Variants in SLC30A8 observed in about 807,000 individuals in gnomAD.
The protein encoded by SLC30A8 is solute carrier family 30 member 8.
A neutral mutation model predicts 36.9 loss-of-function variants in SLC30A8; 27 were observed. The observed-to-expected ratio is 0.73, with a 90% confidence interval of 0.54 to 1.01. SLC30A8 has a LOEUF of 1.01. SLC30A8 is among the 50% of genes least tolerant of loss of function. SLC30A8 has a pLI of 0.00. For missense variants in SLC30A8, 439 were observed against 452.0 expected (o/e 0.97, Z 0.26); for synonymous variants, 164 against 172.4 (o/e 0.95, Z 0.38).
At chr8:116,973,842 T>G (rs1183581439) in intron 1 of SLC30A8, among the ~76,000 whole-genome samples, 1 of 152,074 alleles carries the variant, frequency 6.6e-6, no homozygotes, top group Non-Finnish European at 1.5e-5. Flanking sequence ...AAAACAGAGA[T>G]ATAGACCAAT....
intron 1 of SLC30A8, among the ~76,000 whole-genome samples, chr8:116,986,932 GAAATGT>G (rs1448939460): frequency 1.3e-5 from 2 of 152,058 alleles, no homozygotes; most frequent in African/African-American, 2.4e-5. Flanking sequence ...GTTCTAAGAA[GAAATGT>G]AAATGTAATG....
chr8:117,157,549 A>T, intron 3 of SLC30A8, 142 bp from the exon 4 acceptor site: 1 of 850,382 alleles, frequency 1.2e-6, no homozygotes. Flanking sequence ...ATCCATCCAC[A>T]CTTTTACTTT....
intron 2 of SLC30A8, among the ~76,000 whole-genome samples, chr8:117,106,497 G>T (rs1820001325): frequency 6.6e-6 from 1 of 152,184 alleles, no homozygotes; most frequent in African/African-American, 2.4e-5. Context: ...GAGATTGTTA[G>T]AGTAAGAAGG....
At chr8:117,114,429 AAG>A (rs1473556460) in intron 2 of SLC30A8, among the ~76,000 whole-genome samples, 4 of 152,204 alleles carry the variant, frequency 2.6e-5, no homozygotes, top group African/African-American at 9.6e-5. Context: ...TTGGTGATGA[AAG>A]AGAGCAGAAA....
In SLC30A8 at chr8:117,138,571, G is replaced by C. The variant is rs142400033; in HGVS notation, c.71+3173G>C. Among the ~76,000 whole-genome samples, 3 of 152,052 alleles carry C rather than the reference G, an allele frequency of 2.0e-5. No homozygotes were observed. The East Asian group carries it at 5.9e-4, about 30-fold the overall frequency. Reference sequence around the variant, plus strand: ...GAATCTCTTATTGTCCCAGCTTCAGGTTGCAGAAATTCTATTCATTGTAGA... The same window carrying C: ...GAATCTCTTATTGTCCCAGCTTCAGCTTGCAGAAATTCTATTCATTGTAGA... On this transcript the variant is annotated intron_variant, in intron 1 of 7. Transcript: ENST00000456015.
At chr8:117,120,573 A>G (rs1283656161) in intron 2 of SLC30A8, among the ~76,000 whole-genome samples, 1 of 151,950 alleles carries the variant, frequency 6.6e-6, no homozygotes. Context: ...TGACACCAAA[A>G]GCATAGGCAA....
chr8:117,171,219 A>C (rs1198545567), intron 7 of SLC30A8, 51 bp downstream of exon 7: 1 of 1,589,200 alleles, frequency 6.3e-7, no homozygotes. Flanking sequence ...TTGTCCTGTA[A>C]AGTCAGTAAT....
At chr8:117,144,133 T>A (rs1821789260) in intron 1 of SLC30A8, among the ~76,000 whole-genome samples, 1 of 152,194 alleles carries the variant, frequency 6.6e-6, no homozygotes, top group African/African-American at 2.4e-5. Context: ...CTCAACAATG[T>A]GTTCAAGTTA....
chr8:117,170,988 G>C, intron 6 of SLC30A8, 46 bp from the exon 7 acceptor site: 1 of 1,520,828 alleles, frequency 6.6e-7, no homozygotes, highest in Non-Finnish European at 8.8e-7. Context: ...TCAATGAGCT[G>C]TATCTAGTTG....
intron 1 of SLC30A8, among the ~76,000 whole-genome samples, chr8:116,959,862 T>C (rs190806832): frequency 3.2e-4 from 48 of 152,350 alleles, no homozygotes; most frequent in Non-Finnish European, 5.7e-4. Flanking sequence ...CTTATATGCA[T>C]GTGTTTATAA....
chr8:117,062,171 A>G (rs183414035), intron 2 of SLC30A8, among the ~76,000 whole-genome samples: 4 of 152,344 alleles, frequency 2.6e-5, no homozygotes, highest in Admixed American at 2.6e-4. Flanking sequence ...AAACTTAGGG[A>G]CAGAGGCAGT....
chr8:117,163,578 C>T, intron 6 of SLC30A8, 48 bp downstream of exon 6: 2 of 1,390,538 alleles, frequency 1.4e-6, no homozygotes, highest in Non-Finnish European at 2.0e-6. Context: ...TTTCTCTTCC[C>T]TAGAATCACA....
upstream of SLC30A8, among the ~76,000 whole-genome samples, chr8:117,132,761 A>C (rs1233318571): frequency 1.3e-5 from 2 of 152,022 alleles, no homozygotes; most frequent in African/African-American, 4.8e-5. Context: ...TGAGAGAGGG[A>C]ATGACGGTGC....
intron 1 of SLC30A8, among the ~76,000 whole-genome samples, chr8:116,989,497 A>T (rs571952547): frequency 3.7e-4 from 56 of 152,298 alleles, no homozygotes; most frequent in African/African-American, 1.3e-3. Flanking sequence ...TTGTTTATTC[A>T]GTTAAGTAAA....
chr8:117,130,999 T>C (rs1030624138), upstream of SLC30A8, among the ~76,000 whole-genome samples: 1 of 152,052 alleles, frequency 6.6e-6, no homozygotes, highest in African/African-American at 2.4e-5. Context: ...TTAGTATCAA[T>C]ATTTTATCAA....
chr8:117,158,144 G>A (rs2464593), intron 4 of SLC30A8, among the ~76,000 whole-genome samples: 5 of 152,142 alleles, frequency 3.3e-5, no homozygotes, highest in Non-Finnish European at 7.3e-5. Flanking sequence ...TTATAGATTA[G>A]GAAACTAAAG....
chr8:117,078,651 A>G (rs1359186762), intron 2 of SLC30A8, among the ~76,000 whole-genome samples: 1 of 152,184 alleles, frequency 6.6e-6, no homozygotes, highest in African/African-American at 2.4e-5. Flanking sequence ...TATGTCACTT[A>G]GCACATCAAA....
rs1823492083 is a variant in SLC30A8, at chr8:117,173,368, T to C, written c.*687T>C. ...GAAATATTTTCACCTACCAGAGTGC[T>C]TAAACACTGGCACCAGCCAAAGAAT... is the stretch of plus-strand genomic sequence containing the variant. On this transcript the variant is annotated 3_prime_UTR_variant, in exon 8 of 8. Coordinates refer to ENST00000456015, the MANE Select transcript of SLC30A8 (RefSeq NM_173851.3). 6.6e-6 allele frequency: 1 copy of C among 152,158 alleles called. No individual in the cohort carries two copies. The highest frequency in any genetic ancestry group is 6.5e-5 in the Admixed American group (1 of 15,272). The allele number at this position is 152,158 out of a possible 1,614,324, so 9.4% of individuals were successfully genotyped here.
At chr8:117,161,658 T>C in intron 4 of SLC30A8, 80 bp from the exon 5 acceptor site, 1 of 1,388,240 alleles carries the variant, frequency 7.2e-7, no homozygotes, top group Non-Finnish European at 9.8e-7. Flanking sequence ...TAATGCATGT[T>C]ATTGCCAGCT....
Sources: gnomAD v4.1 joint callset for allele counts (sites outside exome capture counted in the v4.1 genomes callset) on GRCh38, gnomAD v4.1.1 for gene constraint, MANE v1.5 for transcripts, NCBI Gene and HGNC (gene_info 2026-07-23, HGNC 2026-07-21) for gene names.